The following DHRSX variants were observed in gnomAD, a reference collection of about 807,000 sequenced individuals.
The protein encoded by DHRSX is polyprenol dehydrogenase.
DHRSX carries 31 observed loss-of-function variants against 34.0 expected under a neutral mutation model. The observed-to-expected ratio is 0.91, with a 90% confidence interval of 0.69 to 1.23. The LOEUF (loss-of-function observed/expected upper bound fraction) is 1.23, where lower values mean the gene tolerates loss of function less well. Ranked by LOEUF, DHRSX falls within the 50% of genes most tolerant of loss-of-function variation. The probability of loss-of-function intolerance (pLI) is 0.00; values close to 1 mark genes in which losing one functional copy is unlikely to be tolerated. For synonymous variants in DHRSX, 201 were observed against 183.8 expected, an observed-to-expected ratio of 1.09 and a Z score of -0.76; for missense variants, 414 against 428.1, an observed-to-expected ratio of 0.97 and a Z score of 0.29.
chrX:2,311,741 T>C (rs1375439736), intron 3 of DHRSX, among the ~76,000 whole-genome samples: 3 of 152,180 alleles, frequency 2.0e-5, no homozygotes, highest in African/African-American at 7.2e-5. Context: ...ATCGTCCTCC[T>C]GGGAATGCGT....
chrX:2,276,980 G>A (rs111162444), intron 4 of DHRSX, among the ~76,000 whole-genome samples: 4 of 6,192 alleles, frequency 6.5e-4, no homozygotes, highest in South Asian at 6.8e-3. Flanking sequence ...GGAAATGGGG[G>A]AAGAGAGAGA....
At chrX:2,370,590 GAA>G (rs59435030) in intron 3 of DHRSX, among the ~76,000 whole-genome samples, 1,712 of 132,616 alleles carry the variant, frequency 0.013, 35 homozygotes, top group African/African-American at 0.037. Flanking sequence ...TGGTTTTACT[GAA>G]AAAAAAAAAA....
intron 3 of DHRSX, among the ~76,000 whole-genome samples, chrX:2,330,223 GA>G (rs200116456): frequency 2.6e-4 from 38 of 147,280 alleles, no homozygotes; most frequent in African/African-American, 7.9e-4. Flanking sequence ...AAGGAGAAGG[GA>G]AAAAAAAAGT....
chrX:2,284,114 A>G (rs182172783), intron 4 of DHRSX, among the ~76,000 whole-genome samples: 318 of 152,242 alleles, frequency 2.1e-3, no homozygotes, highest in African/African-American at 6.8e-3. Context: ...ATTCCCTTGA[A>G]TTCATTCAGA....
At chrX:2,314,647 C>T (rs897996602) in intron 3 of DHRSX, among the ~76,000 whole-genome samples, 4 of 151,744 alleles carry the variant, frequency 2.6e-5, no homozygotes, top group Non-Finnish European at 4.4e-5. Context: ...TATGTTATGC[C>T]AGAGTCACAT....
chrX:2,484,967 C>G (rs1361411058), intron 1 of DHRSX, among the ~76,000 whole-genome samples: 1 of 152,044 alleles, frequency 6.6e-6, no homozygotes, highest in Non-Finnish European at 1.5e-5. Context: ...CATCCGAAAC[C>G]TTTTTCTCAC....
chrX:2,420,130 C>T (rs1334048759), intron 2 of DHRSX, among the ~76,000 whole-genome samples: 3 of 152,190 alleles, frequency 2.0e-5, no homozygotes, highest in African/African-American at 7.2e-5. Flanking sequence ...AGAATGAGGC[C>T]GGGCGCAGTG....
At chrX:2,373,727 C>T (rs1035643028) in intron 3 of DHRSX, among the ~76,000 whole-genome samples, 32 of 152,008 alleles carry the variant, frequency 2.1e-4, no homozygotes, top group South Asian at 1.7e-3. Flanking sequence ...GCGTACCTGA[C>T]GCGGTGTGGA....
At chrX:2,451,648 T>A (rs1175896225) in intron 1 of DHRSX, among the ~76,000 whole-genome samples, 2 of 152,154 alleles carry the variant, frequency 1.3e-5, no homozygotes, top group Non-Finnish European at 2.9e-5. Context: ...GCTGGCTGCG[T>A]CTCTCACTGT....
intron 3 of DHRSX, among the ~76,000 whole-genome samples, chrX:2,304,213 ATGG>A (rs2042068616): frequency 8.2e-6 from 1 of 121,468 alleles, no homozygotes; most frequent in Non-Finnish European, 1.7e-5. Flanking sequence ...AAATGGATGG[ATGG>A]ATGGATGGAT....
chrX:2,313,817 T>G (rs1253627855), intron 3 of DHRSX, among the ~76,000 whole-genome samples: 7 of 151,938 alleles, frequency 4.6e-5, no homozygotes, highest in Admixed American at 4.6e-4. Flanking sequence ...GCAGCTTGAT[T>G]TTATATATTT....
intron 6 of DHRSX, among the ~76,000 whole-genome samples, chrX:2,232,514 A>G (rs2015919442): frequency 6.6e-6 from 1 of 152,072 alleles, no homozygotes; most frequent in Non-Finnish European, 1.5e-5. Flanking sequence ...GCTTGTAAAA[A>G]CAACTGCACC....
At chrX:2,359,597 C>T (rs2042902444) in intron 3 of DHRSX, among the ~76,000 whole-genome samples, 1 of 151,798 alleles carries the variant, frequency 6.6e-6, no homozygotes, top group African/African-American at 2.4e-5. Context: ...GAGGAATTTT[C>T]AAGGGTGCAG....
intron 3 of DHRSX, among the ~76,000 whole-genome samples, chrX:2,336,103 T>G (rs1290048610): frequency 2.0e-5 from 3 of 150,762 alleles, no homozygotes; most frequent in African/African-American, 7.3e-5. Context: ...CGCCTCTCAA[T>G]TTCAAGCCAT....
At chrX:2,261,868 T>A (rs774461999) in intron 5 of DHRSX, 1 of 152,262 alleles carries the variant, frequency 6.6e-6, no homozygotes, top group East Asian at 1.9e-4. Flanking sequence ...CCTCCACCAG[T>A]GCTGTACGAG....
At chrX:2,384,774 A>AGGGGGG (rs202128844) in intron 3 of DHRSX, among the ~76,000 whole-genome samples, 1 of 63,162 alleles carries the variant, frequency 1.6e-5, no homozygotes, top group African/African-American at 9.8e-5. Flanking sequence ...GGGTGGGGGG[A>AGGGGGG]GGGGGGGGAT....
In DHRSX at chrX:2,283,046, GAGAC is replaced by G. The variant is rs375416518; in HGVS notation, c.388+8452_388+8455del. On this transcript the variant is annotated intron_variant, in intron 4 of 6. Coordinates refer to ENST00000334651, the MANE Select transcript of DHRSX (RefSeq NM_145177.3). ...GAGAGACGGGGAGAAGGAGGAGAGAGAGACAGAGAGTTACAGAAAGAGAGAGAGA... is the reference window on the plus strand; with the variant it reads ...GAGAGACGGGGAGAAGGAGGAGAGAGAGAGAGTTACAGAAAGAGAGAGAGA... Among the ~76,000 whole-genome samples, 595 of 151,746 alleles carry G rather than the reference GAGAC, an allele frequency of 3.9e-3. 3 individuals carry two copies. The highest frequency in any genetic ancestry group is 0.013 in the African/African-American group (557 of 41,340).
chrX:2,396,526 C>T (rs1034113389), intron 3 of DHRSX, among the ~76,000 whole-genome samples: 14 of 151,594 alleles, frequency 9.2e-5, no homozygotes, highest in Non-Finnish European at 7.4e-5. Flanking sequence ...GACAGGCTCC[C>T]GCCACCACGC....
chrX:2,325,401 ACACATT>A (rs1207330657), intron 3 of DHRSX, among the ~76,000 whole-genome samples: 3 of 152,128 alleles, frequency 2.0e-5, no homozygotes, highest in African/African-American at 7.2e-5. Flanking sequence ...TAGGGACTAG[ACACATT>A]CAAAACGGCG....
Sources: allele counts gnomAD v4.1 joint callset (sites outside exome capture counted in the v4.1 genomes callset), GRCh38; gene constraint gnomAD v4.1.1; transcripts MANE v1.5; gene names NCBI Gene and HGNC (gene_info 2026-07-23, HGNC 2026-07-21).